HPD: variants seen among roughly 807,000 people sequenced by gnomAD.
The protein encoded by HPD is 4-hydroxyphenylpyruvic acid oxidase.
In HPD, 35 loss-of-function variants were observed where a neutral mutation model predicts 56.9. That is an observed-to-expected ratio of 0.62 (90% confidence interval 0.47 to 0.82). HPD has a LOEUF of 0.82. HPD is among the 40% of genes least tolerant of loss of function. The pLI, the probability that HPD is intolerant of heterozygous loss-of-function variation, is 0.00. For missense variants in HPD, 442 were observed against 506.8 expected (o/e 0.87, Z 1.23); for synonymous variants, 186 against 200.2 (o/e 0.93, Z 0.60).
the HPD span, among the ~76,000 whole-genome samples, chr12:121,884,942 G>A: frequency 6.6e-6 from 1 of 152,144 alleles, no homozygotes; most frequent in South Asian, 2.1e-4. Flanking sequence ...AGGCTGGAGT[G>A]CAGTGGCACG....
chr12:121,841,699 T>C (rs943408875), intron 12 of HPD, among the ~76,000 whole-genome samples: 1 of 151,886 alleles, frequency 6.6e-6, no homozygotes, highest in Non-Finnish European at 1.5e-5. Flanking sequence ...TTTTTTTTTT[T>C]CCGAGATGGA....
chr12:121,888,577 C>A, the HPD span, among the ~76,000 whole-genome samples: 1 of 152,180 alleles, frequency 6.6e-6, no homozygotes. Flanking sequence ...TCAGCTGGGG[C>A]GAGATCATCC....
intron 7 of HPD, 96 bp from the exon 8 acceptor site, chr12:121,849,886 C>A: frequency 1.3e-6 from 1 of 775,814 alleles, no homozygotes; most frequent in Non-Finnish European, 2.3e-6. Flanking sequence ...CGGGTTCCAA[C>A]CTGCATCTGA....
upstream of HPD, among the ~76,000 whole-genome samples, chr12:121,859,896 C>T (rs1245843103): frequency 1.3e-5 from 2 of 152,174 alleles, no homozygotes; most frequent in Non-Finnish European, 2.9e-5. Flanking sequence ...TGGTGGCTCA[C>T]GCCTGTAATC....
At chr12:121,854,639 C>G in intron 7 of HPD, 64 bp downstream of exon 7, 1 of 1,123,166 alleles carries the variant, frequency 8.9e-7, no homozygotes, top group Non-Finnish European at 1.4e-6. Flanking sequence ...GAGTCAGCTG[C>G]GGGGCTCCTG....
rs1017183395 is a variant in HPD, at chr12:121,839,609, T to TG, written c.*118dup. 45 of 770,050 alleles carry TG rather than the reference T, an allele frequency of 5.8e-5. No homozygotes were observed. In the African/African-American group the frequency reaches 6.0e-4, roughly 10 times the overall value. 47.7% of individuals were successfully genotyped at this position (770,050 alleles called of 1,614,324 possible). ...GGCGTGGTCAGTGTGGGCGGAGCCT[T>TG]GGGGGCCGAGTCCGCTGGTGGGCGG... On this transcript the variant is annotated 3_prime_UTR_variant, in exon 14 of 14. Transcript: ENST00000289004.
At chr12:121,848,935 G>A in intron 9 of HPD, 64 bp downstream of exon 9, 2 of 1,155,676 alleles carry the variant, frequency 1.7e-6, no homozygotes, top group Non-Finnish European at 2.6e-6. Context: ...AAGGACCAGG[G>A]AGTGGGCCAG....
At chr12:121,868,439 C>T (rs1001342846), upstream of HPD, among the ~76,000 whole-genome samples, 4 of 151,654 alleles carry the variant, frequency 2.6e-5, no homozygotes, top group Non-Finnish European at 5.9e-5. Flanking sequence ...GTGATCCTCC[C>T]GTCTCAGCCT....
At chr12:121,885,633 T>C in the HPD span, among the ~76,000 whole-genome samples, 1 of 152,002 alleles carries the variant, frequency 6.6e-6, no homozygotes, top group Admixed American at 6.6e-5. Context: ...AATTTTCAGA[T>C]ATCAAGGGTG....
the HPD span, among the ~76,000 whole-genome samples, chr12:121,871,863 G>GA: frequency 1.3e-5 from 2 of 151,986 alleles, no homozygotes; most frequent in African/African-American, 4.8e-5. Context: ...TGGACCGTAG[G>GA]ATGTCCTCTG....
the HPD span, among the ~76,000 whole-genome samples, chr12:121,882,712 T>C: frequency 6.6e-6 from 1 of 152,034 alleles, no homozygotes; most frequent in South Asian, 2.1e-4. Flanking sequence ...GGAGGTAGTA[T>C]TTCTTTTTCT....
chr12:121,858,975 G>A, upstream of HPD: 2 of 826,222 alleles, frequency 2.4e-6, no homozygotes, highest in Non-Finnish European at 4.1e-6. Context: ...TTCCAGGCCT[G>A]GGGACCTCTG....
At chr12:121,860,046 T>C (rs1349654272), upstream of HPD, among the ~76,000 whole-genome samples, 3 of 152,134 alleles carry the variant, frequency 2.0e-5, no homozygotes, top group South Asian at 2.1e-4. Context: ...TAGTCCCAGC[T>C]ACTCAGGGGA....
intron 7 of HPD, among the ~76,000 whole-genome samples, chr12:121,852,912 G>A (rs898852088): frequency 8.6e-5 from 13 of 152,044 alleles, no homozygotes; most frequent in Non-Finnish European, 1.3e-4. Context: ...GATTATGGGC[G>A]TGAGCCACTG....
chr12:121,841,697 T>C (rs2707057), intron 12 of HPD, among the ~76,000 whole-genome samples: 30,209 of 151,764 alleles, frequency 0.2, 3,224 homozygotes, highest in African/African-American at 0.26. Context: ...TTTTTTTTTT[T>C]TTCCGAGATG....
chr12:121,848,764 C>T (rs935238193), intron 9 of HPD, among the ~76,000 whole-genome samples: 4 of 152,032 alleles, frequency 2.6e-5, no homozygotes, highest in African/African-American at 9.7e-5. Flanking sequence ...CAACACCTCG[C>T]CCACTGAGTT....
chr12:121,858,809 CA>C lies in HPD; in HGVS notation c.3+11del, dbSNP rs778977403. The C allele has an allele frequency of 6.2e-6, 10 of 1,614,144 alleles. No homozygotes were observed. The African/African-American group carries it at 1.3e-4, about 22-fold the overall frequency. On this transcript the variant is annotated intron_variant, in intron 1 of 13. Transcript: ENST00000289004. ...GATGTCCCACCCAAGGGGAGATGGC[CA>C]TGGCACTTACCATGATTGATCTTAG... is the stretch of plus-strand genomic sequence containing the variant.
intron 4 of HPD, chr12:121,856,856 G>C (rs528072526): frequency 1.4e-5 from 8 of 591,244 alleles, no homozygotes; most frequent in South Asian, 3.9e-5. Context: ...GGTCTCCCTC[G>C]GGGAGAGAAC....
chr12:121,864,847 C>T (rs530058315), upstream of HPD, among the ~76,000 whole-genome samples: 2,363 of 125,822 alleles, frequency 0.019, 25 homozygotes, highest in Middle Eastern at 0.035. Context: ...AGTGAGACTC[C>T]GTCTCAAAAA....
Sources: gnomAD v4.1 joint callset for allele counts (sites outside exome capture counted in the v4.1 genomes callset) on GRCh38, gnomAD v4.1.1 for gene constraint, MANE v1.5 for transcripts, NCBI Gene and HGNC (gene_info 2026-07-23, HGNC 2026-07-21) for gene names.